Variants in MYO10 observed in about 807,000 individuals in gnomAD.
MYO10 encodes the protein unconventional myosin-X.
In MYO10, 133 loss-of-function variants were observed where a neutral mutation model predicts 257.3. The observed-to-expected ratio is 0.52, with a 90% CI of 0.45 to 0.60. The LOEUF (loss-of-function observed/expected upper bound fraction) is 0.60, where lower values mean the gene tolerates loss of function less well. MYO10 is among the 20% of genes least tolerant of loss of function. The pLI is 0.00. For missense variants in MYO10, 2,399 were observed against 2,635.7 expected, an observed-to-expected ratio of 0.91 and a Z score of 1.97; for synonymous variants, 1,104 against 1,028.6, an observed-to-expected ratio of 1.07 and a Z score of -1.40.
chr5:16,770,361 T>C (rs1741010110), intron 9 of MYO10, among the ~76,000 whole-genome samples: 1 of 152,184 alleles, frequency 6.6e-6, no homozygotes, highest in Admixed American at 6.5e-5. Context: ...TATGGTCTTA[T>C]CTTGGCCTGA....
chr5:16,911,558 C>T (rs1173776182), intron 1 of MYO10, among the ~76,000 whole-genome samples: 1 of 152,114 alleles, frequency 6.6e-6, no homozygotes, highest in Non-Finnish European at 1.5e-5. Flanking sequence ...ATGCTGAAAC[C>T]TCGTCTCTAC....
intron 19 of MYO10, among the ~76,000 whole-genome samples, chr5:16,731,136 C>G (rs950647949): frequency 1.3e-5 from 2 of 151,812 alleles, no homozygotes; most frequent in South Asian, 2.1e-4. Context: ...ACCTCCACCC[C>G]CTGGGTTCAA....
At chr5:16,687,736 C>T in intron 28 of MYO10, among the ~76,000 whole-genome samples, 1 of 152,076 alleles carries the variant, frequency 6.6e-6, no homozygotes, top group Admixed American at 6.5e-5. Flanking sequence ...CTCTTGTATA[C>T]AACAAGGAAA....
intron 31 of MYO10, 130 bp from the exon 32 acceptor site, chr5:16,681,633 C>A (rs1737006326): frequency 9.0e-7 from 1 of 1,108,026 alleles, no homozygotes; most frequent in South Asian, 1.6e-5. Context: ...CACGAACACC[C>A]CAACCCGATG....
intron 30 of MYO10, 86 bp downstream of exon 30, chr5:16,683,794 A>C: frequency 7.4e-7 from 1 of 1,351,418 alleles, no homozygotes; most frequent in Non-Finnish European, 1.0e-6. Context: ...CAGCCCTGTG[A>C]AGAGGGTCGT....
intron 19 of MYO10, among the ~76,000 whole-genome samples, chr5:16,723,844 T>C (rs892201648): frequency 6.6e-6 from 1 of 152,240 alleles, no homozygotes; most frequent in African/African-American, 2.4e-5. Context: ...AGGTGAAAGA[T>C]GTCAGTCTGA....
chr5:16,765,442 C>A (rs1178025030), intron 11 of MYO10, among the ~76,000 whole-genome samples: 2 of 152,142 alleles, frequency 1.3e-5, no homozygotes, highest in Non-Finnish European at 2.9e-5. Context: ...ATTGTGGGAC[C>A]TTCTGATCAT....
chr5:16,683,794 A>G, intron 30 of MYO10, 86 bp downstream of exon 30: 1 of 1,351,418 alleles, frequency 7.4e-7, no homozygotes. Flanking sequence ...CAGCCCTGTG[A>G]AGAGGGTCGT....
chr5:16,820,660 T>C (rs17651165), intron 2 of MYO10, among the ~76,000 whole-genome samples: 22,586 of 152,168 alleles, frequency 0.15, 1,801 homozygotes, highest in South Asian at 0.27. Context: ...CAGCTTCTAC[T>C]AACTGTCACT....
At chr5:16,878,272 A>G (rs16869208) in intron 1 of MYO10, among the ~76,000 whole-genome samples, 7,435 of 152,194 alleles carry the variant, frequency 0.049, 628 homozygotes, top group African/African-American at 0.17. Context: ...ACTTATACCA[A>G]AATCCATGTG....
At chr5:16,698,382 G>C (rs375656092) in intron 26 of MYO10, among the ~76,000 whole-genome samples, 1 of 152,068 alleles carries the variant, frequency 6.6e-6, no homozygotes, top group Admixed American at 6.6e-5. Context: ...TAAATAAATA[G>C]ATAAATAAAT....
At chr5:16,922,505 C>T (rs550761845) in intron 1 of MYO10, among the ~76,000 whole-genome samples, 1 of 152,304 alleles carries the variant, frequency 6.6e-6, no homozygotes, top group South Asian at 2.1e-4. Flanking sequence ...GCTGAAACAG[C>T]TCAGTATGTT....
intron 1 of MYO10, among the ~76,000 whole-genome samples, chr5:16,897,834 A>G (rs190468209): frequency 6.6e-6 from 1 of 152,360 alleles, no homozygotes; most frequent in Non-Finnish European, 1.5e-5. Context: ...AGTATCCTAG[A>G]AAAAGTAGCA....
At chr5:16,903,946 T>G (rs2126786771) in intron 1 of MYO10, among the ~76,000 whole-genome samples, 1 of 152,334 alleles carries the variant, frequency 6.6e-6, no homozygotes, top group East Asian at 1.9e-4. Context: ...CATTGTCCTC[T>G]GACATCCAAC....
chr5:16,718,403 C>G, intron 19 of MYO10, among the ~76,000 whole-genome samples: 1 of 152,262 alleles, frequency 6.6e-6, no homozygotes, highest in Non-Finnish European at 1.5e-5. Flanking sequence ...CTAGGTGAAG[C>G]CAGCTGGGCT....
At chr5:16,697,473 G>A (rs571219344) in intron 26 of MYO10, among the ~76,000 whole-genome samples, 354 of 152,272 alleles carry the variant, frequency 2.3e-3, no homozygotes, top group African/African-American at 8.0e-3. Flanking sequence ...AGGCCAAGGA[G>A]GGCAGATCAC....
intron 2 of MYO10, among the ~76,000 whole-genome samples, chr5:16,831,338 C>T (rs550042763): frequency 6.6e-6 from 1 of 152,290 alleles, no homozygotes; most frequent in African/African-American, 2.4e-5. Flanking sequence ...AAAAGTAGAA[C>T]TACCATTTGA....
chr5:16,888,415 G>A (rs749974060), intron 1 of MYO10, among the ~76,000 whole-genome samples: 2 of 151,744 alleles, frequency 1.3e-5, no homozygotes. Context: ...GACAAACATG[G>A]AGAAACCCCA....
In MYO10 at chr5:16,883,553, G is replaced by C. The variant is rs568189270; in HGVS notation, c.22-5846C>G. On this transcript the variant is annotated intron_variant, in intron 1 of 40. Coordinates refer to ENST00000513610, the MANE Select transcript of MYO10 (RefSeq NM_012334.3). ...CCTGGAAGAAAATCATAAAACCCTG[G>C]CCAACGGCCTCCTGCTTGGTGATAC... is the stretch of plus-strand genomic sequence containing the variant. 3.9e-5 allele frequency among the ~76,000 whole-genome samples: 6 copies of C among 152,226 alleles called. No individual in the cohort carries two copies. In the South Asian group the frequency reaches 1.2e-3, roughly 32 times the overall value.
Sources: gnomAD v4.1 joint callset for allele counts (sites outside exome capture counted in the v4.1 genomes callset) on GRCh38, gnomAD v4.1.1 for gene constraint, MANE v1.5 for transcripts, NCBI Gene and HGNC (gene_info 2026-07-23, HGNC 2026-07-21) for gene names.